The following STK31 variants were observed in gnomAD, a reference collection of about 807,000 sequenced individuals.
STK31 encodes the protein serine/threonine kinase 31, also known as serine/threonine-protein kinase 31.
A neutral mutation model predicts 129.7 loss-of-function variants in STK31; 89 were observed. The ratio of observed to expected loss-of-function variants is 0.69; its 90% CI spans 0.58 to 0.82. The LOEUF is 0.82. Ranked by LOEUF, STK31 falls within the 40% of genes least tolerant of loss-of-function variation. STK31 has a pLI of 0.00. For missense variants in STK31, 1,187 were observed against 1,176.4 expected (o/e 1.01, Z -0.13); for synonymous variants, 448 against 395.3 (o/e 1.13, Z -1.58).
intron 22 of STK31, among the ~76,000 whole-genome samples, chr7:23,807,771 A>AT (rs1792802345): frequency 6.7e-6 from 1 of 149,944 alleles, no homozygotes; most frequent in African/African-American, 2.5e-5. Flanking sequence ...GTTATTTTCT[A>AT]TTTTTTCATC....
intron 22 of STK31, among the ~76,000 whole-genome samples, chr7:23,813,350 G>A (rs952817846): frequency 2.0e-5 from 3 of 152,072 alleles, no homozygotes; most frequent in African/African-American, 7.2e-5. Context: ...TTGCTTGAAA[G>A]TTCTTGTCAG....
At chr7:23,827,601 A>G (rs1049661400) in intron 23 of STK31, among the ~76,000 whole-genome samples, 2 of 152,036 alleles carry the variant, frequency 1.3e-5, no homozygotes, top group African/African-American at 4.8e-5. Context: ...CAACTCGTCA[A>G]AGTCATTCTC....
intron 10 of STK31, 92 bp downstream of exon 10, chr7:23,754,566 A>G (rs1788936655): frequency 3.1e-6 from 4 of 1,304,944 alleles, no homozygotes; most frequent in African/African-American, 1.5e-5. Context: ...AACAGGATAC[A>G]TGTGCAGAAT....
intron 11 of STK31, 67 bp from the exon 12 acceptor site, chr7:23,768,928 C>G: frequency 7.3e-7 from 1 of 1,361,140 alleles, no homozygotes; most frequent in Non-Finnish European, 9.8e-7. Context: ...CCCTTAGATC[C>G]TAACACAGTG....
intron 23 of STK31, among the ~76,000 whole-genome samples, chr7:23,826,766 C>G (rs563377138): frequency 5.9e-5 from 9 of 152,182 alleles, no homozygotes; most frequent in African/African-American, 1.4e-4. Flanking sequence ...GCTTCCTTCA[C>G]GAGCTCTTTT....
intron 23 of STK31, among the ~76,000 whole-genome samples, chr7:23,826,018 G>C (rs1471773358): frequency 5.9e-5 from 9 of 152,162 alleles, no homozygotes; most frequent in Non-Finnish European, 8.8e-5. Context: ...TTACTTCCAA[G>C]TATGTGGTCA....
chr7:23,812,508 C>T (rs1405586076), intron 22 of STK31, among the ~76,000 whole-genome samples: 1 of 128,288 alleles, frequency 7.8e-6, no homozygotes, highest in African/African-American at 2.9e-5. Flanking sequence ...CCATTATTTT[C>T]TTAAACTTTT....
At chr7:23,819,420 CTT>C (rs3034044) in intron 23 of STK31, among the ~76,000 whole-genome samples, 64,141 of 144,898 alleles carry the variant, frequency 0.44, 13,967 homozygotes, top group Admixed American at 0.52. Context: ...GATTTCTTTC[CTT>C]TTTTTTTTTT....
intron 11 of STK31, among the ~76,000 whole-genome samples, chr7:23,764,969 T>A (rs1339218332): frequency 1.9e-5 from 2 of 107,538 alleles, no homozygotes; most frequent in East Asian, 5.8e-4. Context: ...AAAATAAAAA[T>A]TTTTTTGTTT....
chr7:23,772,010 A>G, intron 14 of STK31, 137 bp from the exon 15 acceptor site: 1 of 567,232 alleles, frequency 1.8e-6, no homozygotes. Flanking sequence ...GTCTTGTTGA[A>G]AATTATAGAT....
intron 22 of STK31, among the ~76,000 whole-genome samples, chr7:23,813,078 C>CTTTTTTTTTTTTTTT (rs70956924): frequency 5.5e-4 from 52 of 94,106 alleles, no homozygotes; most frequent in Non-Finnish European, 6.8e-4. Flanking sequence ...GCTCTCTGTT[C>CTTTTTTTTTTTTTTT]TTTTTTTTTT....
chr7:23,791,632 C>CA (rs1562606110), intron 22 of STK31, among the ~76,000 whole-genome samples: 1 of 152,008 alleles, frequency 6.6e-6, no homozygotes, highest in Non-Finnish European at 1.5e-5. Flanking sequence ...AGTTGGAAGA[C>CA]AAAAAAATAA....
chr7:23,747,864 A>G (rs1030610995), intron 8 of STK31, among the ~76,000 whole-genome samples: 4 of 151,260 alleles, frequency 2.6e-5, no homozygotes, highest in Non-Finnish European at 4.4e-5. Context: ...TTTTTCCTTT[A>G]TTAGCCTGGT....
At chr7:23,792,746 G>T (rs1163582163) in intron 22 of STK31, among the ~76,000 whole-genome samples, 1 of 152,196 alleles carries the variant, frequency 6.6e-6, no homozygotes, top group Non-Finnish European at 1.5e-5. Flanking sequence ...TGTAGGCCTA[G>T]AGTGGTGGTT....
chr7:23,767,667 A>T (rs573504169), intron 11 of STK31, among the ~76,000 whole-genome samples: 1 of 152,120 alleles, frequency 6.6e-6, no homozygotes, highest in Admixed American at 6.6e-5. Context: ...TTTTTGCCTC[A>T]TCTGTGTTCT....
In STK31 at chr7:23,752,764, T is replaced by A. The variant is rs1217384631; in HGVS notation, c.1065T>A (p.Thr355=). The A allele has an allele frequency of 6.2e-7, 1 of 1,613,874 alleles. No individual in the cohort carries two copies. The highest frequency in any genetic ancestry group is 2.2e-5 in the East Asian group (1 of 44,864). The change falls in exon 9 of 24, where the codon ACT becomes ACA. Residue 355 remains threonine (T), a synonymous_variant. Transcript: ENST00000355870. ...AVDLTNHLEY[T]LKTYIDTRMK... ...ATTTGACTAACCACTTAGAATACACTCTGAAGACCTATATAGATACCAGAA... is the reference window on the plus strand; with the variant it reads ...ATTTGACTAACCACTTAGAATACACACTGAAGACCTATATAGATACCAGAA...
At chr7:23,719,687 A>G (rs1786569990) in intron 4 of STK31, among the ~76,000 whole-genome samples, 2 of 152,122 alleles carry the variant, frequency 1.3e-5, no homozygotes, top group African/African-American at 4.8e-5. Flanking sequence ...CTGGTATAAA[A>G]CAGATACCTT....
At chr7:23,784,732 C>G (rs924078440) in intron 17 of STK31, among the ~76,000 whole-genome samples, 7 of 151,556 alleles carry the variant, frequency 4.6e-5, no homozygotes, top group Non-Finnish European at 7.4e-5. Context: ...CTTACTGAAA[C>G]TGCACCACAG....
In STK31 at chr7:23,785,608, GTC is replaced by G; in HGVS notation, c.2274+7_2274+8del. 6.2e-7 allele frequency: 1 copy of G among 1,609,646 alleles called. No individual in the cohort carries two copies. Among genetic ancestry groups the G allele is most frequent in the Non-Finnish European group, 8.5e-7 (1 of 1,176,852 alleles). On this transcript the variant is annotated splice_donor_region_variant and intron_variant, in intron 18 of 23. Transcript: ENST00000355870. Reference sequence around the variant, plus strand: ...GGGCAGATAATTCTGTTAAAGGTAAGTCTAACTTCTTCTTACTTGTGGGAGAT... The same window carrying G: ...GGGCAGATAATTCTGTTAAAGGTAAGTAACTTCTTCTTACTTGTGGGAGAT...
Sources: allele counts gnomAD v4.1 joint callset (sites outside exome capture counted in the v4.1 genomes callset), GRCh38; gene constraint gnomAD v4.1.1; transcripts MANE v1.5; gene names NCBI Gene and HGNC (gene_info 2026-07-23, HGNC 2026-07-21).